Variants in CNTNAP2 observed in about 807,000 individuals in gnomAD.
CNTNAP2 encodes contactin associated protein 2.
Under a neutral mutation model 155.2 loss-of-function variants are expected in CNTNAP2, and 98 were observed. The observed-to-expected ratio is 0.63, with a 90% CI of 0.54 to 0.75. The LOEUF is 0.75. Among genes scored for constraint, CNTNAP2 ranks in the 30% least tolerant of loss-of-function variants. CNTNAP2 has a pLI of 0.00. For missense variants in CNTNAP2, 1,727 were observed against 1,688.1 expected (o/e 1.02, Z -0.40); for synonymous variants, 651 against 631.2 (o/e 1.03, Z -0.47).
intron 1 of CNTNAP2, among the ~76,000 whole-genome samples, chr7:146,677,895 A>G (rs1472433319): frequency 6.6e-6 from 1 of 151,844 alleles, no homozygotes; most frequent in Non-Finnish European, 1.5e-5. Flanking sequence ...TGGGATGTGG[A>G]GTGTTGGAGG....
intron 1 of CNTNAP2, among the ~76,000 whole-genome samples, chr7:146,325,506 A>T (rs1432907709): frequency 6.6e-6 from 1 of 152,098 alleles, no homozygotes; most frequent in Non-Finnish European, 1.5e-5. Flanking sequence ...TGTTTTACAT[A>T]TGTTTTTATA....
intron 13 of CNTNAP2, among the ~76,000 whole-genome samples, chr7:147,834,308 A>C (rs1798600810): frequency 6.6e-6 from 1 of 152,200 alleles, no homozygotes. Context: ...GGTGGAACAA[A>C]TTCCTGCTGC....
At chr7:146,496,262 G>C (rs986772047) in intron 1 of CNTNAP2, among the ~76,000 whole-genome samples, 1 of 152,134 alleles carries the variant, frequency 6.6e-6, no homozygotes, top group African/African-American at 2.4e-5. Context: ...CACAATACGC[G>C]TGGACATGTG....
At chr7:146,959,130 C>T (rs964865411) in intron 3 of CNTNAP2, among the ~76,000 whole-genome samples, 2 of 151,998 alleles carry the variant, frequency 1.3e-5, no homozygotes, top group Admixed American at 6.6e-5. Flanking sequence ...AGCGATTCTC[C>T]TGCCTCAGCC....
At chr7:147,117,622 T>C (rs1801016128) in intron 5 of CNTNAP2, among the ~76,000 whole-genome samples, 1 of 152,188 alleles carries the variant, frequency 6.6e-6, no homozygotes, top group Admixed American at 6.5e-5. Context: ...TTTCTCTTGA[T>C]TGGCTAAAAA....
chr7:147,116,223 C>G (rs1192531530), intron 5 of CNTNAP2, among the ~76,000 whole-genome samples: 1 of 152,156 alleles, frequency 6.6e-6, no homozygotes, highest in African/African-American at 2.4e-5. Flanking sequence ...GGATAACTGA[C>G]CTATTGCTGG....
intron 23 of CNTNAP2, among the ~76,000 whole-genome samples, chr7:148,413,724 C>A (rs1799909076): frequency 6.6e-6 from 1 of 151,728 alleles, no homozygotes; most frequent in African/African-American, 2.4e-5. Flanking sequence ...CCAGTTCTGC[C>A]CGTTTTTGCT....
intron 1 of CNTNAP2, among the ~76,000 whole-genome samples, chr7:146,554,854 G>A (rs1798173882): frequency 6.6e-6 from 1 of 152,360 alleles, no homozygotes; most frequent in Admixed American, 6.5e-5. Flanking sequence ...TAGCCAGGGT[G>A]AAAATGGGGA....
intron 3 of CNTNAP2, among the ~76,000 whole-genome samples, chr7:146,953,294 G>A (rs146093907): frequency 1.3e-5 from 2 of 152,092 alleles, no homozygotes; most frequent in East Asian, 3.9e-4. Context: ...ATAGTAGAAT[G>A]TATGTGTACT....
At chr7:147,971,772 G>A (rs547587823) in intron 14 of CNTNAP2, among the ~76,000 whole-genome samples, 3 of 152,174 alleles carry the variant, frequency 2.0e-5, no homozygotes, top group Admixed American at 1.3e-4. Context: ...AAAAGGCTTT[G>A]TGTGAACATA....
At chr7:148,128,621 A>G (rs1003493727) in intron 16 of CNTNAP2, among the ~76,000 whole-genome samples, 4 of 152,224 alleles carry the variant, frequency 2.6e-5, no homozygotes, top group African/African-American at 7.2e-5. Context: ...CTGAAGGGAC[A>G]GTTATTTGAA....
chr7:147,949,255 A>C (rs1201856520), intron 14 of CNTNAP2, among the ~76,000 whole-genome samples: 2 of 151,930 alleles, frequency 1.3e-5, no homozygotes, highest in Non-Finnish European at 2.9e-5. Context: ...AAATATATTT[A>C]CTAGTCATTA....
chr7:146,953,566 G>A lies in CNTNAP2; in HGVS notation c.403-90341G>A, dbSNP rs781566525. ...GTAACGAATTCCAATTACGAAATTC[G>A]AAATAAGCATAAAACAATACCTCTT... is the stretch of plus-strand genomic sequence containing the variant. On this transcript the variant is annotated intron_variant, in intron 3 of 23. Transcript: ENST00000361727. 4.4e-4 allele frequency among the ~76,000 whole-genome samples: 67 copies of A among 151,830 alleles called. 1 individual carries two copies. The highest frequency in any genetic ancestry group is 1.9e-3 in the Admixed American group (29 of 15,206).
chr7:147,447,040 A>G (rs1462283145), intron 10 of CNTNAP2, among the ~76,000 whole-genome samples: 1 of 152,236 alleles, frequency 6.6e-6, no homozygotes, highest in Non-Finnish European at 1.5e-5. Context: ...GGCATTAAAG[A>G]AGGAAAGTAG....
chr7:146,933,750 A>T (rs1007678422), intron 3 of CNTNAP2, among the ~76,000 whole-genome samples: 3 of 151,684 alleles, frequency 2.0e-5, no homozygotes, highest in Non-Finnish European at 4.4e-5. Flanking sequence ...AAGAAAAAAA[A>T]ACAAACAACC....
intron 1 of CNTNAP2, among the ~76,000 whole-genome samples, chr7:146,258,681 C>G (rs1799875988): frequency 6.6e-6 from 1 of 152,166 alleles, no homozygotes; most frequent in Non-Finnish European, 1.5e-5. Context: ...TCTTCTGAAA[C>G]CTGGTTCCAC....
chr7:147,057,232 A>T (rs551200147), intron 4 of CNTNAP2, among the ~76,000 whole-genome samples: 1 of 152,178 alleles, frequency 6.6e-6, no homozygotes, highest in East Asian at 1.9e-4. Context: ...TCCTTTGTCA[A>T]CCAACAGTGT....
At chr7:146,443,259 G>A (rs1639453) in intron 1 of CNTNAP2, among the ~76,000 whole-genome samples, 9,358 of 131,308 alleles carry the variant, frequency 0.071, 955 homozygotes, top group African/African-American at 0.28. Context: ...TAAATAAATA[G>A]ATAAATAAAA....
intron 1 of CNTNAP2, among the ~76,000 whole-genome samples, chr7:146,124,322 T>C (rs962521592): frequency 4.6e-5 from 7 of 152,292 alleles, no homozygotes; most frequent in African/African-American, 1.7e-4. Context: ...AGAAAACACA[T>C]GTGGATTAAA....
Sources: gnomAD v4.1 joint callset for allele counts (sites outside exome capture counted in the v4.1 genomes callset) on GRCh38, gnomAD v4.1.1 for gene constraint, MANE v1.5 for transcripts, NCBI Gene and HGNC (gene_info 2026-07-23, HGNC 2026-07-21) for gene names.